NDC1: variants seen among roughly 807,000 people sequenced by gnomAD.
The protein encoded by NDC1 is nucleoporin NDC1.
Under a neutral mutation model 89.8 loss-of-function variants are expected in NDC1, and 24 were observed. The ratio of observed to expected loss-of-function variants is 0.27; its 90% CI spans 0.19 to 0.38. The LOEUF (loss-of-function observed/expected upper bound fraction) is 0.38. NDC1 is among the 10% of genes least tolerant of loss of function. The probability of loss-of-function intolerance (pLI) is 1.00; values close to 1 mark genes in which losing one functional copy is unlikely to be tolerated. For synonymous variants in NDC1, 296 were observed against 284.8 expected, an observed-to-expected ratio of 1.04 and a Z score of -0.39; for missense variants, 728 against 797.6, an observed-to-expected ratio of 0.91 and a Z score of 1.05.
chr1:53,803,834 G>A (rs1003432224), intron 10 of NDC1, 94 bp downstream of exon 10: 1 of 920,878 alleles, frequency 1.1e-6, no homozygotes, highest in African/African-American at 1.6e-5. Flanking sequence ...GCCTCCCAAA[G>A]TGCTGGGATT....
At chr1:53,820,802 C>G (rs914819412) in intron 5 of NDC1, among the ~76,000 whole-genome samples, 1 of 150,210 alleles carries the variant, frequency 6.7e-6, no homozygotes, top group Non-Finnish European at 1.5e-5. Context: ...CCTCTACCTC[C>G]CAGGTTCAAG....
Position 53,772,521 on chromosome 1 carries a change from A to G in NDC1, c.1801-32T>C, listed in dbSNP as rs766008927. On this transcript the variant is annotated intron_variant, in intron 16 of 17. Coordinates refer to ENST00000371429, the MANE Select transcript of NDC1 (RefSeq NM_018087.5). ...CAAGAAAGAAAACACATCAGTTTAG[A>G]TTATAAAGAAAGCCAACCTAGGCCA... 9 of 1,602,188 alleles carry G rather than the reference A, an allele frequency of 5.6e-6. No individual in the cohort carries two copies. The Admixed American group carries it at 1.5e-4, about 27-fold the overall frequency.
At chr1:53,826,103 A>G (rs879515143) in intron 4 of NDC1, among the ~76,000 whole-genome samples, 167 bp from the exon 5 acceptor site, 7 of 152,116 alleles carry the variant, frequency 4.6e-5, no homozygotes, top group African/African-American at 9.7e-5. Context: ...GATTAACAAA[A>G]CCTTTTTTCC....
chr1:53,784,021 C>T lies in NDC1; in HGVS notation c.1800+3137G>A, dbSNP rs112584321. Among the ~76,000 whole-genome samples the T allele has an allele frequency of 2.7e-3, 413 of 152,118 alleles. 2 individuals are homozygous for T. The highest frequency in any genetic ancestry group is 9.6e-3 in the African/African-American group (397 of 41,502). ...TTTCCTTCTAACCAACTATGAAGAA[C>T]CAGAAATTCTGATGGTGGTAGAGTT... On this transcript the variant is annotated intron_variant, in intron 16 of 17. Transcript: ENST00000371429.
intron 16 of NDC1, among the ~76,000 whole-genome samples, chr1:53,778,724 A>G (rs1369783097): frequency 6.6e-6 from 1 of 152,262 alleles, no homozygotes; most frequent in Admixed American, 6.5e-5. Context: ...AAGATAATAT[A>G]TGAATAGTTT....
At chr1:53,799,175 A>G (rs1442053619) in intron 11 of NDC1, among the ~76,000 whole-genome samples, 1 of 152,190 alleles carries the variant, frequency 6.6e-6, no homozygotes, top group African/African-American at 2.4e-5. Context: ...GCTTCCTTTC[A>G]TTATCAAACA....
At chr1:53,825,416 T>C (rs578016555) in intron 5 of NDC1, among the ~76,000 whole-genome samples, 107 of 136,582 alleles carry the variant, frequency 7.8e-4, no homozygotes, top group Non-Finnish European at 1.3e-3. Flanking sequence ...GATTGCGCCA[T>C]TGCACTCCAG....
intron 16 of NDC1, among the ~76,000 whole-genome samples, chr1:53,782,346 C>A (rs1414698944): frequency 6.6e-6 from 1 of 152,048 alleles, no homozygotes. Context: ...TGAAGCAAGG[C>A]AGGAAGGATC....
chr1:53,833,887 G>A lies in NDC1; in HGVS notation c.179-1296C>T, dbSNP rs560508254. 2.2e-3 allele frequency among the ~76,000 whole-genome samples: 328 copies of A among 150,690 alleles called. 1 individual carries two copies. Among genetic ancestry groups the A allele is most frequent in the Middle Eastern group, 0.014 (4 of 290 alleles). On this transcript the variant is annotated intron_variant, in intron 2 of 17. Coordinates refer to ENST00000371429, the MANE Select transcript of NDC1 (RefSeq NM_018087.5). ...GTCACCCAGGCTGGAGTGAAGTGGC[G>A]TGATCTCAGCTCACTGCAGCCTCCA... is the stretch of plus-strand genomic sequence containing the variant.
chr1:53,824,615 G>A (rs1182110071), intron 5 of NDC1, among the ~76,000 whole-genome samples: 1 of 152,186 alleles, frequency 6.6e-6, no homozygotes, highest in Non-Finnish European at 1.5e-5. Flanking sequence ...GAAACAGGCT[G>A]CGAAGAGCCC....
At chr1:53,811,962 CAG>C (rs1487539375) in intron 6 of NDC1, among the ~76,000 whole-genome samples, 1 of 152,162 alleles carries the variant, frequency 6.6e-6, no homozygotes, top group Non-Finnish European at 1.5e-5. Context: ...AGTATCAGCC[CAG>C]AGACAGGCAG....
intron 17 of NDC1, chr1:53,771,127 A>C (rs995003981): frequency 4.6e-5 from 9 of 195,630 alleles, no homozygotes; most frequent in Admixed American, 4.0e-4. Context: ...ACATGAGCAC[A>C]GTCAGGCAAG....
chr1:53,788,436 T>A (rs1233901266), intron 15 of NDC1, among the ~76,000 whole-genome samples: 1 of 151,940 alleles, frequency 6.6e-6, no homozygotes, highest in African/African-American at 2.4e-5. Context: ...AAAAAAATTT[T>A]TTTTTTTGAG....
rs954832872 is a variant in NDC1, at chr1:53,767,821, C to A, written c.*149G>T. 2.2e-6 allele frequency: 1 copy of A among 445,940 alleles called. No homozygotes were observed. Among genetic ancestry groups the A allele is most frequent in the Non-Finnish European group, 4.0e-6 (1 of 250,044 alleles). 27.6% of individuals were successfully genotyped at this position (445,940 alleles called of 1,614,324 possible). A position where few individuals can be genotyped will look rare whatever the true frequency, so the allele number is the denominator to read the frequency against. On this transcript the variant is annotated 3_prime_UTR_variant, in exon 18 of 18. Transcript: ENST00000371429. ...TGTTGAGAATTTCTTTCCATGATTT[C>A]TCCCATTAAAGTATAGTTTTCAAAG... is the stretch of plus-strand genomic sequence containing the variant.
chr1:53,829,745 G>A (rs915427862), intron 3 of NDC1, among the ~76,000 whole-genome samples: 1 of 152,234 alleles, frequency 6.6e-6, no homozygotes, highest in Non-Finnish European at 1.5e-5. Context: ...ACATACAGAA[G>A]ATGACCCAAG....
intron 11 of NDC1, among the ~76,000 whole-genome samples, chr1:53,798,376 G>A (rs1450958365): frequency 6.6e-6 from 1 of 150,974 alleles, no homozygotes; most frequent in Non-Finnish European, 1.5e-5. Context: ...CACCATGTTG[G>A]CCAGATGGTT....
intron 15 of NDC1, among the ~76,000 whole-genome samples, chr1:53,788,009 TTTAACATAAG>T (rs1338177125): frequency 6.6e-6 from 1 of 152,046 alleles, no homozygotes; most frequent in Non-Finnish European, 1.5e-5. Flanking sequence ...AGTTTTCATA[TTTAACATAAG>T]TTAACATAAG....
intron 5 of NDC1, 61 bp downstream of exon 5, chr1:53,825,737 G>A (rs1648832229): frequency 5.0e-6 from 7 of 1,401,098 alleles, no homozygotes; most frequent in Non-Finnish European, 6.8e-6. Context: ...ATATACATAT[G>A]CACCAAGGCA....
intron 4 of NDC1, among the ~76,000 whole-genome samples, chr1:53,826,176 TTAAGTA>T (rs1648855552): frequency 1.3e-5 from 2 of 152,230 alleles, no homozygotes; most frequent in African/African-American, 2.4e-5. Flanking sequence ...TCTGACATGA[TTAAGTA>T]TATCTACCAT....
Sources: allele counts gnomAD v4.1 joint callset (sites outside exome capture counted in the v4.1 genomes callset), GRCh38; gene constraint gnomAD v4.1.1; transcripts MANE v1.5; gene names NCBI Gene and HGNC (gene_info 2026-07-23, HGNC 2026-07-21).